CCDC14: variants seen among roughly 807,000 people sequenced by gnomAD.
The protein encoded by CCDC14 is coiled-coil domain containing 14.
A neutral mutation model predicts 81.4 loss-of-function variants in CCDC14; 71 were observed. The observed-to-expected ratio is 0.87, with a 90% CI of 0.72 to 1.06. The LOEUF is 1.06. Among genes scored for constraint, CCDC14 ranks in the 50% least tolerant of loss-of-function variants. CCDC14 has a pLI of 0.00. For missense variants in CCDC14, 1,046 were observed against 1,047.3 expected, an observed-to-expected ratio of 1.00 and a Z score of 0.02; for synonymous variants, 332 against 364.8, an observed-to-expected ratio of 0.91 and a Z score of 1.03.
rs149768053 is a variant in CCDC14 at position 123,941,449 on chromosome 3, T to C, written c.1343+3400A>G. 1.3e-4 allele frequency among the ~76,000 whole-genome samples: 20 copies of C among 152,130 alleles called. No homozygotes were observed. In the East Asian group the frequency reaches 3.9e-3, roughly 29 times the overall value. ...AAACAGGAAAAAAAAAATACTTCTTTAAAAATTGAAAATGATGAGAAACAC... is the reference window on the plus strand; with the variant it reads ...AAACAGGAAAAAAAAAATACTTCTTCAAAAATTGAAAATGATGAGAAACAC... On this transcript the variant is annotated intron_variant, in intron 9 of 12. Coordinates refer to ENST00000409697, the MANE Select transcript of CCDC14 (RefSeq NM_001366335.1).
intron 5 of CCDC14, among the ~76,000 whole-genome samples, chr3:123,908,303 T>C (rs1322492773): frequency 1.3e-5 from 2 of 152,152 alleles, no homozygotes; most frequent in East Asian, 3.9e-4. Flanking sequence ...TGAGATCGTA[T>C]CTCCTCATTT....
chr3:123,896,135 G>C (rs2034059041), downstream of CCDC14, among the ~76,000 whole-genome samples: 1 of 152,212 alleles, frequency 6.6e-6, no homozygotes, highest in Non-Finnish European at 1.5e-5. Context: ...GAGAGATGCG[G>C]TCTTTAAGAA....
chr3:123,939,440 C>A (rs1226086243), intron 9 of CCDC14, among the ~76,000 whole-genome samples: 1 of 127,826 alleles, frequency 7.8e-6, no homozygotes, highest in Non-Finnish European at 1.7e-5. Flanking sequence ...TCTGCTGACA[C>A]AGATCTTTTT....
intron 12 of CCDC14, among the ~76,000 whole-genome samples, chr3:123,919,217 G>A (rs1033736174): frequency 6.6e-6 from 1 of 152,192 alleles, no homozygotes; most frequent in Non-Finnish European, 1.5e-5. Flanking sequence ...GTTTCCTGAG[G>A]CCAGGAGGCA....
chr3:123,960,505 T>C (rs543553437), intron 1 of CCDC14, among the ~76,000 whole-genome samples: 1 of 152,314 alleles, frequency 6.6e-6, no homozygotes, highest in East Asian at 1.9e-4. Flanking sequence ...ATATATAAAA[T>C]AGGGATAATA....
rs2148856119 is a variant in CCDC14 at position 123,931,471 on chromosome 3, T to C, written c.1482A>G (p.Leu494=). Residue 494 remains leucine, a synonymous_variant, in exon 11 of 13, where the codon CTA becomes CTG. Coordinates refer to ENST00000409697, the MANE Select transcript of CCDC14 (RefSeq NM_001366335.1). ...MSLQNQLEES[L]KSQELLQSKN... is the part of the protein sequence containing the mutation. Reference sequence around the variant, plus strand: ...TACTCTGCAGTAATTCCTGGCTCTTTAGTGACTCCTCCAATTGATTTTGCA... The same window carrying C: ...TACTCTGCAGTAATTCCTGGCTCTTCAGTGACTCCTCCAATTGATTTTGCA... 1 of 1,578,022 alleles carries C rather than the reference T, an allele frequency of 6.3e-7. No individual in the cohort carries two copies. The highest frequency in any genetic ancestry group is 1.8e-5 in the Admixed American group (1 of 54,788).
chr3:123,889,630 C>T, the CCDC14 span, among the ~76,000 whole-genome samples: 2 of 152,254 alleles, frequency 1.3e-5, no homozygotes, highest in South Asian at 2.1e-4. Context: ...TGGCTACTTT[C>T]ACAGGCTGGC....
At chr3:123,894,205 C>A (rs1415530534), downstream of CCDC14, among the ~76,000 whole-genome samples, 1 of 152,126 alleles carries the variant, frequency 6.6e-6, no homozygotes, top group African/African-American at 2.4e-5. Flanking sequence ...TTTTCCACCA[C>A]CATTTGTTGA....
intron 9 of CCDC14, among the ~76,000 whole-genome samples, chr3:123,934,275 A>AC (rs2035930555): frequency 7.8e-6 from 1 of 128,330 alleles, no homozygotes; most frequent in Non-Finnish European, 1.5e-5. Context: ...TGCCTCAAAA[A>AC]AAAAAAAAAA....
At chr3:123,938,360 G>T (rs1190578808) in intron 9 of CCDC14, among the ~76,000 whole-genome samples, 2 of 151,718 alleles carry the variant, frequency 1.3e-5, no homozygotes, top group Non-Finnish European at 3.0e-5. Context: ...TCCCTAAATT[G>T]TTCATATTTT....
chr3:123,930,985 T>G, intron 12 of CCDC14, 117 bp downstream of exon 12: 1 of 872,276 alleles, frequency 1.1e-6, no homozygotes, highest in Non-Finnish European at 1.7e-6. Context: ...AGCAAAAACA[T>G]TGGCAAAATA....
chr3:123,933,731 T>C lies in CCDC14; in HGVS notation c.1368A>G (p.Gln456=), dbSNP rs2035885427. The stretch of plus-strand genomic sequence containing the variant: ...TTTGAGTTTTCTGTTGTTCTCTGAG[T>C]TGCTGGTTCAAAATTCTCAACTGCC... The part of the protein sequence containing the change: ...LRRQLRILNQ[Q]LREQQKTQKP... The change falls in exon 10 of 13, where the codon CAA becomes CAG. Residue 456 remains glutamine, a synonymous_variant. Coordinates refer to ENST00000409697, the MANE Select transcript of CCDC14 (RefSeq NM_001366335.1). 1.3e-6 allele frequency: 2 copies of C among 1,571,060 alleles called. No homozygotes were observed. Among genetic ancestry groups the C allele is most frequent in the African/African-American group, 1.3e-5 (1 of 74,356 alleles).
chr3:123,937,793 T>C (rs2148884726), intron 9 of CCDC14, among the ~76,000 whole-genome samples: 1 of 152,072 alleles, frequency 6.6e-6, no homozygotes, highest in East Asian at 1.9e-4. Flanking sequence ...GTAGTTTTAG[T>C]TTATACATTA....
chr3:123,946,723 C>T, intron 8 of CCDC14, 80 bp downstream of exon 8: 1 of 1,326,092 alleles, frequency 7.5e-7, no homozygotes, highest in Non-Finnish European at 1.0e-6. Flanking sequence ...ACCACAAACT[C>T]CATTTAAATG....
downstream of CCDC14, chr3:123,913,273 A>T: frequency 5.4e-6 from 3 of 553,312 alleles, no homozygotes; most frequent in Non-Finnish European, 6.9e-6. Flanking sequence ...GCCACTAATT[A>T]ATTGAACACA....
In CCDC14 at chr3:123,939,418, A is replaced by ATGC. The variant is rs767100875; in HGVS notation, c.1343+5430_1343+5431insGCA. Among the ~76,000 whole-genome samples, 188 of 140,592 alleles carry ATGC rather than the reference A, an allele frequency of 1.3e-3. 4 individuals are homozygous for ATGC. Among genetic ancestry groups the ATGC allele is most frequent in the Middle Eastern group, 4.0e-3 (1 of 250 alleles). The allele number at this position is 140,592 out of a possible 152,430, so 92.2% of individuals were successfully genotyped here. The stretch of plus-strand genomic sequence containing the variant: ...TTGCATGGTTTTTCTGAGATCTTCT[A>ATGC]TGTCCTATTCATCTGCTGACACAGA... On this transcript the variant is annotated intron_variant, in intron 9 of 12. Transcript: ENST00000409697.
chr3:123,950,489 G>A (rs2036941851), intron 5 of CCDC14, among the ~76,000 whole-genome samples: 1 of 152,194 alleles, frequency 6.6e-6, no homozygotes, highest in Admixed American at 6.5e-5. Context: ...CAACTACCTG[G>A]ATGTTTAATA....
intron 12 of CCDC14, among the ~76,000 whole-genome samples, chr3:123,928,899 TATGAAAATGCAGATA>T: frequency 6.6e-6 from 1 of 152,182 alleles, no homozygotes; most frequent in South Asian, 2.1e-4. Flanking sequence ...TTTGCCCATC[TATGAAAATGCAGATA>T]CTAAAATCTT....
At chr3:123,897,560 T>C (rs774963998) in exon 6 of CCDC14, 3 of 1,173,378 alleles carry the variant, frequency 2.6e-6, no homozygotes, top group South Asian at 2.9e-5. Flanking sequence ...ATGTACTGTA[T>C]TGGGCTTTTG....
Sources: gnomAD v4.1 joint callset for allele counts (sites outside exome capture counted in the v4.1 genomes callset) on GRCh38, gnomAD v4.1.1 for gene constraint, MANE v1.5 for transcripts, NCBI Gene and HGNC (gene_info 2026-07-23, HGNC 2026-07-21) for gene names.